The following CSMD3 variants were observed in gnomAD, a reference collection of about 807,000 sequenced individuals.
The protein encoded by CSMD3 is CUB and sushi domain-containing protein 3.
A neutral mutation model predicts 435.2 loss-of-function variants in CSMD3; 177 were observed. That is an observed-to-expected ratio of 0.41 (90% CI 0.36 to 0.46). The LOEUF is 0.46. CSMD3 is among the 20% of genes least tolerant of loss of function. The probability of loss-of-function intolerance (pLI) is 0.34; values close to 1 mark genes in which losing one functional copy is unlikely to be tolerated. For synonymous variants in CSMD3, 1,656 were observed against 1,520.5 expected (o/e 1.09, Z -2.07); for missense variants, 4,265 against 4,504.6 (o/e 0.95, Z 1.52).
intron 32 of CSMD3, among the ~76,000 whole-genome samples, chr8:112,432,644 G>A (rs1351894847): frequency 4.6e-5 from 7 of 152,190 alleles, no homozygotes; most frequent in African/African-American, 1.7e-4. Flanking sequence ...GACATGCATT[G>A]CATTTTTAAT....
chr8:113,063,326 C>T (rs2088699654), intron 5 of CSMD3, among the ~76,000 whole-genome samples: 1 of 151,768 alleles, frequency 6.6e-6, no homozygotes, highest in African/African-American at 2.4e-5. Context: ...ATTGTCATTG[C>T]TGTGTCAAGT....
intron 42 of CSMD3, among the ~76,000 whole-genome samples, chr8:112,340,755 T>C (rs1323576192): frequency 6.6e-6 from 1 of 152,110 alleles, no homozygotes; most frequent in African/African-American, 2.4e-5. Flanking sequence ...TTACTAAAAA[T>C]ATACATCATG....
intron 13 of CSMD3, among the ~76,000 whole-genome samples, chr8:112,750,003 T>A (rs2077529880): frequency 6.6e-6 from 1 of 151,976 alleles, no homozygotes; most frequent in Non-Finnish European, 1.5e-5. Context: ...TCATAAGCAA[T>A]CTGCGAGTAT....
At chr8:112,429,627 C>G (rs1223184695) in intron 32 of CSMD3, among the ~76,000 whole-genome samples, 1 of 151,992 alleles carries the variant, frequency 6.6e-6, no homozygotes, top group East Asian at 1.9e-4. Context: ...ATGGCTCCTC[C>G]TACCTGGATT....
chr8:113,266,542 G>A (rs886211026), intron 3 of CSMD3, among the ~76,000 whole-genome samples: 1 of 151,562 alleles, frequency 6.6e-6, no homozygotes, highest in African/African-American at 2.4e-5. Flanking sequence ...TATAGTAAGT[G>A]CTTCGTTAAA....
chr8:112,755,958 C>A (rs1342707885), intron 13 of CSMD3, among the ~76,000 whole-genome samples: 10 of 151,496 alleles, frequency 6.6e-5, no homozygotes, highest in Non-Finnish European at 1.3e-4. Flanking sequence ...CAACTGGTCA[C>A]AAGATTGAGA....
intron 13 of CSMD3, among the ~76,000 whole-genome samples, chr8:112,778,261 G>A (rs2078294407): frequency 6.6e-6 from 1 of 151,766 alleles, no homozygotes; most frequent in Non-Finnish European, 1.5e-5. Context: ...TTCAGGCTTG[G>A]TGTTGTATAT....
At chr8:112,311,482 A>G (rs1348604930) in intron 49 of CSMD3, among the ~76,000 whole-genome samples, 1 of 152,208 alleles carries the variant, frequency 6.6e-6, no homozygotes, top group Non-Finnish European at 1.5e-5. Context: ...GAATTTTGGA[A>G]ACCGCATTTC....
intron 9 of CSMD3, among the ~76,000 whole-genome samples, chr8:112,943,706 T>C (rs1226313317): frequency 1.3e-5 from 2 of 151,748 alleles, no homozygotes; most frequent in Admixed American, 1.3e-4. Context: ...ATGAGAATAA[T>C]TTTTGTATTA....
At chr8:113,336,562 A>T (rs1172085214) in intron 1 of CSMD3, among the ~76,000 whole-genome samples, 1 of 152,200 alleles carries the variant, frequency 6.6e-6, no homozygotes, top group African/African-American at 2.4e-5. Flanking sequence ...TCAGTGTATG[A>T]GTCTTTTTCT....
chr8:113,399,556 A>G (rs1464446667), intron 1 of CSMD3, among the ~76,000 whole-genome samples: 1 of 151,962 alleles, frequency 6.6e-6, no homozygotes, highest in Non-Finnish European at 1.5e-5. Context: ...AAAAGATTAT[A>G]TATTTTATGT....
At chr8:112,946,223 T>G (rs1291123526) in intron 9 of CSMD3, among the ~76,000 whole-genome samples, 1 of 151,822 alleles carries the variant, frequency 6.6e-6, no homozygotes, top group Admixed American at 6.6e-5. Context: ...ATAGAGTACT[T>G]AATTTGTCAA....
chr8:112,372,432 G>A (rs1323059860), intron 38 of CSMD3, among the ~76,000 whole-genome samples: 2 of 152,054 alleles, frequency 1.3e-5, no homozygotes, highest in South Asian at 4.1e-4. Context: ...GGGTTGAGTG[G>A]AAGGAACATT....
At chr8:112,576,970 T>C (rs1829995077) in intron 23 of CSMD3, among the ~76,000 whole-genome samples, 1 of 151,988 alleles carries the variant, frequency 6.6e-6, no homozygotes, top group African/African-American at 2.4e-5. Context: ...GCTGGGTGAA[T>C]ATAATTCAGT....
At chr8:112,940,960 A>G (rs1053254345) in intron 9 of CSMD3, among the ~76,000 whole-genome samples, 1 of 151,830 alleles carries the variant, frequency 6.6e-6, no homozygotes, top group Non-Finnish European at 1.5e-5. Context: ...TTTGTCACAC[A>G]TACAGAAACA....
chr8:112,358,134 A>G (rs56288817), intron 38 of CSMD3, among the ~76,000 whole-genome samples: 65,262 of 152,006 alleles, frequency 0.43, 14,662 homozygotes, highest in Middle Eastern at 0.54. Flanking sequence ...TCATTTTGGC[A>G]CTTTAAGATA....
intron 24 of CSMD3, among the ~76,000 whole-genome samples, chr8:112,562,380 T>G (rs1267839792): frequency 2.0e-5 from 3 of 151,616 alleles, no homozygotes; most frequent in Admixed American, 6.6e-5. Context: ...ACTTGCTTTA[T>G]TTTTTTAATT....
chr8:113,212,041 A>G (rs568315876), intron 3 of CSMD3, among the ~76,000 whole-genome samples: 3 of 152,302 alleles, frequency 2.0e-5, no homozygotes, highest in African/African-American at 7.2e-5. Flanking sequence ...AAATTGAAGT[A>G]TTACTTCAGA....
At chr8:113,298,642 G>A (rs1285500505) in intron 2 of CSMD3, among the ~76,000 whole-genome samples, 9 of 152,086 alleles carry the variant, frequency 5.9e-5, no homozygotes, top group Admixed American at 1.3e-4. Context: ...CAAAATAACA[G>A]AGGAAGGTTT....
Sources: allele counts gnomAD v4.1 joint callset (sites outside exome capture counted in the v4.1 genomes callset), GRCh38; gene constraint gnomAD v4.1.1; transcripts MANE v1.5; gene names NCBI Gene and HGNC (gene_info 2026-07-23, HGNC 2026-07-21).